Variants in MGAT5 observed in about 807,000 individuals in gnomAD.
MGAT5 encodes alpha-1,6-mannosylglycoprotein 6-beta-N-acetylglucosaminyltransferase A.
MGAT5 carries 30 observed loss-of-function variants against 94.3 expected under a neutral mutation model. The ratio of observed to expected loss-of-function variants is 0.32; its 90% CI spans 0.24 to 0.43. MGAT5 has a LOEUF of 0.43. Among genes scored for constraint, MGAT5 ranks in the 20% least tolerant of loss-of-function variants. MGAT5 has a pLI of 1.00. For synonymous variants in MGAT5, 310 were observed against 322.9 expected (o/e 0.96, Z 0.43); for missense variants, 691 against 905.5 (o/e 0.76, Z 3.04).
chr2:134,198,465 C>G (rs545824627), intron 1 of MGAT5, among the ~76,000 whole-genome samples: 1 of 152,296 alleles, frequency 6.6e-6, no homozygotes, highest in African/African-American at 2.4e-5. Flanking sequence ...TGAGGCTTGG[C>G]TGTTTTGGCC....
At position 134,448,687 on chromosome 2, in the gene MGAT5, A is replaced by G. The variant is rs1404075195; in HGVS notation, c.2066A>G (p.Asp689Gly). The G allele has an allele frequency of 6.2e-7, 1 of 1,614,214 alleles. No homozygotes were observed. The highest frequency in any genetic ancestry group is 1.7e-5 in the Admixed American group (1 of 60,028). The stretch of plus-strand genomic sequence containing the variant: ...TGCCAAAGCTCAGAGCTGGCCAAGG[A>G]CATCCTGGTGCCCTCCTTTGACCCT... ...VTCQSSELAK[D>G]ILVPSFDPKN... Residue 689 changes from aspartate to glycine, a missense_variant, in exon 16 of 16, where the codon GAC (aspartate) becomes GGC (glycine). Physicochemically the swap from Asp to Gly is moderately conservative, Grantham distance 94. This residue lies in a region of MGAT5 where 260 missense variants were observed against 347.0 expected (regional missense o/e 0.75). Coordinates refer to ENST00000281923, the MANE Select transcript of MGAT5 (RefSeq NM_002410.5).
chr2:134,433,914 T>C (rs1685024094), intron 14 of MGAT5, among the ~76,000 whole-genome samples: 1 of 152,090 alleles, frequency 6.6e-6, no homozygotes, highest in Non-Finnish European at 1.5e-5. Flanking sequence ...ACCTGTGTTC[T>C]TGGTTCCAGA....
intron 1 of MGAT5, among the ~76,000 whole-genome samples, chr2:134,225,969 G>A (rs896013063): frequency 6.6e-6 from 1 of 152,140 alleles, no homozygotes; most frequent in Admixed American, 6.5e-5. Flanking sequence ...TCTTCAAACC[G>A]AATGATAGCA....
intron 4 of MGAT5, among the ~76,000 whole-genome samples, chr2:134,323,137 T>C (rs961052189): frequency 3.3e-5 from 5 of 152,150 alleles, no homozygotes; most frequent in African/African-American, 1.2e-4. Context: ...ACTTTCACCC[T>C]CACCAACTTG....
intron 11 of MGAT5, among the ~76,000 whole-genome samples, chr2:134,410,297 TTAA>T (rs1221950206): frequency 6.6e-6 from 1 of 152,214 alleles, no homozygotes; most frequent in Non-Finnish European, 1.5e-5. Context: ...CTATTTGACC[TTAA>T]TACATCTGCT....
intron 4 of MGAT5, among the ~76,000 whole-genome samples, chr2:134,333,550 A>G (rs1286588333): frequency 1.3e-5 from 2 of 151,952 alleles, no homozygotes; most frequent in Non-Finnish European, 2.9e-5. Context: ...TAACCTGCAC[A>G]TTGTGCACAT....
chr2:134,252,277 G>C (rs1263761919), upstream of MGAT5, among the ~76,000 whole-genome samples: 1 of 152,170 alleles, frequency 6.6e-6, no homozygotes, highest in Non-Finnish European at 1.5e-5. Context: ...AGTGAAGAAG[G>C]GGAAGCCTCT....
chr2:134,228,102 C>T (rs968192770), intron 1 of MGAT5, among the ~76,000 whole-genome samples: 1 of 152,092 alleles, frequency 6.6e-6, no homozygotes, highest in African/African-American at 2.4e-5. Flanking sequence ...ATCCTCTTGT[C>T]GTCATTTTAA....
intron 1 of MGAT5, among the ~76,000 whole-genome samples, chr2:134,172,909 C>T (rs751319737): frequency 1.3e-5 from 2 of 152,166 alleles, no homozygotes; most frequent in Non-Finnish European, 2.9e-5. Context: ...GGTCTTTGAA[C>T]ACACTTTGTC....
At chr2:134,332,174 C>G (rs1348701685) in intron 4 of MGAT5, among the ~76,000 whole-genome samples, 1 of 151,950 alleles carries the variant, frequency 6.6e-6, no homozygotes, top group Non-Finnish European at 1.5e-5. Context: ...ATCACGCTAC[C>G]TGACTTCAAA....
At chr2:134,301,041 G>T (rs1277016511) in intron 2 of MGAT5, among the ~76,000 whole-genome samples, 1 of 151,984 alleles carries the variant, frequency 6.6e-6, no homozygotes, top group Non-Finnish European at 1.5e-5. Context: ...TCCCCCATAG[G>T]CACTCTCTAC....
intron 2 of MGAT5, among the ~76,000 whole-genome samples, chr2:134,283,903 A>G (rs1404726199): frequency 1.3e-5 from 2 of 151,958 alleles, no homozygotes; most frequent in African/African-American, 4.8e-5. Context: ...CTGGCTAGCA[A>G]TTAGAGTTGA....
intron 9 of MGAT5, among the ~76,000 whole-genome samples, chr2:134,355,856 G>A (rs148798563): frequency 6.6e-6 from 1 of 152,080 alleles, no homozygotes; most frequent in African/African-American, 2.4e-5. Flanking sequence ...GTTGATGGCT[G>A]AAAGTAGCAA....
At chr2:134,221,618 G>C (rs1406543272) in intron 1 of MGAT5, among the ~76,000 whole-genome samples, 1 of 152,332 alleles carries the variant, frequency 6.6e-6, no homozygotes, top group Admixed American at 6.5e-5. Flanking sequence ...TCCCACAAGA[G>C]ACTTTGCAGG....
chr2:134,183,209 C>T (rs548477415), intron 1 of MGAT5, among the ~76,000 whole-genome samples: 7 of 152,268 alleles, frequency 4.6e-5, no homozygotes, highest in Admixed American at 2.6e-4. Flanking sequence ...ACAAAAATTC[C>T]TTGTTCCATG....
At chr2:134,356,261 T>G (rs1226332630) in intron 9 of MGAT5, among the ~76,000 whole-genome samples, 2 of 152,168 alleles carry the variant, frequency 1.3e-5, no homozygotes, top group African/African-American at 4.8e-5. Flanking sequence ...AGATGGGGGA[T>G]TCTGGAGGTG....
At chr2:134,129,957 G>C (rs1686048146) in intron 1 of MGAT5, among the ~76,000 whole-genome samples, 1 of 152,188 alleles carries the variant, frequency 6.6e-6, no homozygotes, top group Non-Finnish European at 1.5e-5. Flanking sequence ...GGCGCAGGCG[G>C]GAACCAGGGC....
At chr2:134,331,510 T>C (rs537774931) in intron 4 of MGAT5, among the ~76,000 whole-genome samples, 1 of 152,112 alleles carries the variant, frequency 6.6e-6, no homozygotes, top group African/African-American at 2.4e-5. Flanking sequence ...AGACTTATGG[T>C]GGTAAATTGT....
chr2:134,349,644 G>A (rs1679244088), intron 8 of MGAT5, among the ~76,000 whole-genome samples, 161 bp from the exon 9 acceptor site: 1 of 152,204 alleles, frequency 6.6e-6, no homozygotes, highest in South Asian at 2.1e-4. Flanking sequence ...TAGATGTTCG[G>A]TACACAAGCT....
Sources: allele counts gnomAD v4.1 joint callset (sites outside exome capture counted in the v4.1 genomes callset), GRCh38; gene constraint gnomAD v4.1.1; regional missense constraint gnomAD v4.1.1; transcripts MANE v1.5; gene names NCBI Gene and HGNC (gene_info 2026-07-23, HGNC 2026-07-21).